The following LRP1B variants were observed in gnomAD, a reference collection of about 807,000 sequenced individuals.
The protein encoded by LRP1B is LDL receptor related protein 1B, also known as low-density lipoprotein receptor-related protein 1B.
A neutral mutation model predicts 556.6 loss-of-function variants in LRP1B; 217 were observed. The observed-to-expected ratio is 0.39, with a 90% CI of 0.35 to 0.44. The LOEUF (loss-of-function observed/expected upper bound fraction) is 0.44. Among genes scored for constraint, LRP1B ranks in the 20% least tolerant of loss-of-function variants. The pLI, the probability that LRP1B is intolerant of heterozygous loss-of-function variation, is 1.00. For synonymous variants in LRP1B, 2,047 were observed against 1,865.8 expected (o/e 1.10, Z -2.50); for missense variants, 5,053 against 5,620.8 (o/e 0.90, Z 3.23).
intron 3 of LRP1B, among the ~76,000 whole-genome samples, chr2:141,478,478 T>C (rs1487909456): frequency 6.6e-6 from 1 of 152,130 alleles, no homozygotes; most frequent in Non-Finnish European, 1.5e-5. Flanking sequence ...CTTTAATGCC[T>C]ATCATTTAAA....
chr2:140,911,060 C>A (rs1028999434), intron 21 of LRP1B, among the ~76,000 whole-genome samples: 1 of 151,692 alleles, frequency 6.6e-6, no homozygotes, highest in Admixed American at 6.6e-5. Flanking sequence ...TACAATGCAT[C>A]CATACATTAA....
intron 32 of LRP1B, among the ~76,000 whole-genome samples, chr2:140,810,900 T>C (rs771338863): frequency 1.3e-5 from 2 of 152,128 alleles, no homozygotes; most frequent in Non-Finnish European, 2.9e-5. Context: ...CATGACTGGC[T>C]AATTTTTTGT....
intron 2 of LRP1B, among the ~76,000 whole-genome samples, chr2:141,809,984 C>T (rs1285398243): frequency 6.6e-6 from 1 of 151,240 alleles, no homozygotes; most frequent in Non-Finnish European, 1.5e-5. Context: ...CATTTTCTTC[C>T]TTTCATAAGT....
At chr2:141,929,804 T>C (rs1045590928) in intron 1 of LRP1B, among the ~76,000 whole-genome samples, 2 of 151,250 alleles carry the variant, frequency 1.3e-5, no homozygotes, top group African/African-American at 4.9e-5. Context: ...ATACTGGTGT[T>C]TGCATGAACT....
chr2:140,272,273 A>ACACACC (rs1296359111), intron 85 of LRP1B, among the ~76,000 whole-genome samples: 1 of 151,138 alleles, frequency 6.6e-6, no homozygotes, highest in Non-Finnish European at 1.5e-5. Flanking sequence ...ACACACACAC[A>ACACACC]CACACACACA....
At chr2:140,768,033 C>T in intron 35 of LRP1B, among the ~76,000 whole-genome samples, 1 of 151,834 alleles carries the variant, frequency 6.6e-6, no homozygotes, top group East Asian at 1.9e-4. Flanking sequence ...AAAGTTTGAT[C>T]AAAAACCACA....
intron 10 of LRP1B, among the ~76,000 whole-genome samples, chr2:141,051,424 C>T (rs151135114): frequency 0.035 from 5,248 of 152,066 alleles, 98 homozygotes; most frequent in South Asian, 0.077. Context: ...GGAACATATA[C>T]GCCGTGGAAT....
chr2:140,759,869 T>C (rs973879454), intron 35 of LRP1B, among the ~76,000 whole-genome samples: 2 of 152,128 alleles, frequency 1.3e-5, no homozygotes, highest in African/African-American at 2.4e-5. Context: ...CAAATACAAA[T>C]ACACAATTTC....
chr2:141,865,695 G>A (rs1462691114), intron 1 of LRP1B, among the ~76,000 whole-genome samples: 1 of 151,680 alleles, frequency 6.6e-6, no homozygotes, highest in Non-Finnish European at 1.5e-5. Context: ...TTGGAGGTAT[G>A]TGCTTTGCTA....
At chr2:141,174,771 G>C (rs1332189304) in intron 7 of LRP1B, among the ~76,000 whole-genome samples, 1 of 152,056 alleles carries the variant, frequency 6.6e-6, no homozygotes, top group African/African-American at 2.4e-5. Flanking sequence ...TTGAAACTGG[G>C]TAACAGTCAG....
chr2:141,031,860 A>G (rs536852591), intron 11 of LRP1B, among the ~76,000 whole-genome samples: 10 of 152,084 alleles, frequency 6.6e-5, no homozygotes, highest in Non-Finnish European at 1.0e-4. Context: ...TTTTTAAGCA[A>G]TCATCCATGT....
chr2:141,594,205 G>C (rs1011970346), intron 2 of LRP1B, among the ~76,000 whole-genome samples: 1 of 151,998 alleles, frequency 6.6e-6, no homozygotes, highest in Non-Finnish European at 1.5e-5. Context: ...TCTTTGCTGA[G>C]AGCTTTCCTT....
chr2:141,972,549 G>A lies in LRP1B; in HGVS notation c.82+158099C>T, dbSNP rs138685212. ...TTCTGTATTTTCAAAATTAGGCAAC[G>A]ATGACTAACTAAATCCACAAACATG... is the stretch of plus-strand genomic sequence containing the variant. On this transcript the variant is annotated intron_variant, in intron 1 of 90. Transcript: ENST00000389484. 1.0e-4 allele frequency among the ~76,000 whole-genome samples: 15 copies of A among 149,410 alleles called. No individual in the cohort carries two copies. The East Asian group carries it at 2.8e-3, about 28-fold the overall frequency.
At chr2:140,997,543 T>A (rs1697281617) in intron 15 of LRP1B, among the ~76,000 whole-genome samples, 1 of 151,988 alleles carries the variant, frequency 6.6e-6, no homozygotes, top group African/African-American at 2.4e-5. Context: ...AGTGTGGTGA[T>A]CTATTCTAAA....
At chr2:141,950,985 A>G (rs1701090259) in intron 1 of LRP1B, among the ~76,000 whole-genome samples, 1 of 152,158 alleles carries the variant, frequency 6.6e-6, no homozygotes. Flanking sequence ...CAGAGGTTCA[A>G]TAAACCAAAT....
chr2:141,213,578 C>T (rs1341153775), intron 6 of LRP1B, among the ~76,000 whole-genome samples: 1 of 152,154 alleles, frequency 6.6e-6, no homozygotes, highest in African/African-American at 2.4e-5. Flanking sequence ...AGAGAATGTA[C>T]AAACTCCACA....
At chr2:141,770,763 C>T (rs139763164) in intron 2 of LRP1B, among the ~76,000 whole-genome samples, 35 of 152,252 alleles carry the variant, frequency 2.3e-4, no homozygotes, top group African/African-American at 7.9e-4. Flanking sequence ...TAGAAGAGGT[C>T]GGTGAGGGAG....
At chr2:141,956,280 T>C (rs976770330) in intron 1 of LRP1B, among the ~76,000 whole-genome samples, 1 of 152,116 alleles carries the variant, frequency 6.6e-6, no homozygotes, top group Non-Finnish European at 1.5e-5. Context: ...GATTTTTAAA[T>C]TTTTGCAAAA....
At chr2:141,029,969 A>G (rs1302013220) in intron 11 of LRP1B, among the ~76,000 whole-genome samples, 1 of 152,146 alleles carries the variant, frequency 6.6e-6, no homozygotes, top group African/African-American at 2.4e-5. Flanking sequence ...ATAATTCTAG[A>G]TAATATCAAA....
Sources: allele counts gnomAD v4.1 joint callset (sites outside exome capture counted in the v4.1 genomes callset), GRCh38; gene constraint gnomAD v4.1.1; transcripts MANE v1.5; gene names NCBI Gene and HGNC (gene_info 2026-07-23, HGNC 2026-07-21).